Variants in PPARGC1A observed in about 807,000 individuals in gnomAD.
The protein encoded by PPARGC1A is peroxisome proliferator-activated receptor gamma coactivator 1-alpha.
In PPARGC1A, 25 loss-of-function variants were observed where a neutral mutation model predicts 88.7. The observed-to-expected ratio is 0.28, with a 90% CI of 0.21 to 0.39. The LOEUF is 0.39. Among genes scored for constraint, PPARGC1A ranks in the 10% least tolerant of loss-of-function variants. PPARGC1A has a pLI of 1.00. For synonymous variants in PPARGC1A, 363 were observed against 355.6 expected (o/e 1.02, Z -0.24); for missense variants, 880 against 968.7 (o/e 0.91, Z 1.22).
At chr4:24,400,660 T>C in the PPARGC1A span, among the ~76,000 whole-genome samples, 1 of 152,256 alleles carries the variant, frequency 6.6e-6, no homozygotes, top group Non-Finnish European at 1.5e-5. Flanking sequence ...ACACTTGCTT[T>C]AATCTGTAGG....
intron 2 of PPARGC1A, among the ~76,000 whole-genome samples, chr4:23,858,177 C>T (rs1730545572): frequency 6.6e-6 from 1 of 151,970 alleles, no homozygotes; most frequent in Non-Finnish European, 1.5e-5. Flanking sequence ...TTAATTCTGT[C>T]AAAATGCATA....
chr4:24,359,705 A>G, the PPARGC1A span, among the ~76,000 whole-genome samples: 1 of 152,192 alleles, frequency 6.6e-6, no homozygotes, highest in Admixed American at 6.5e-5. Flanking sequence ...ATACAGACAC[A>G]GGGAGAACAC....
the PPARGC1A span, among the ~76,000 whole-genome samples, chr4:24,197,439 C>T: frequency 1.9e-3 from 294 of 152,292 alleles, 3 homozygotes; most frequent in Non-Finnish European, 5.7e-4. Flanking sequence ...GGAAAAGGGC[C>T]TCTCTCTCTT....
chr4:23,889,786 TG>T (rs1717540933), intron 1 of PPARGC1A, 117 bp downstream of exon 1: 1 of 1,223,588 alleles, frequency 8.2e-7, no homozygotes, highest in East Asian at 2.4e-5. Flanking sequence ...TAAAAGCTCC[TG>T]CCTGGACTAC....
the PPARGC1A span, among the ~76,000 whole-genome samples, chr4:24,349,700 C>T: frequency 1.3e-5 from 2 of 152,122 alleles, no homozygotes; most frequent in Non-Finnish European, 2.9e-5. Context: ...GCAAGAGGGG[C>T]GTGAAAACTT....
At chr4:23,873,975 C>T (rs988051063) in intron 2 of PPARGC1A, among the ~76,000 whole-genome samples, 1 of 152,178 alleles carries the variant, frequency 6.6e-6, no homozygotes, top group South Asian at 2.1e-4. Context: ...AGAAAAGGAA[C>T]CCATCAACAG....
At chr4:24,352,620 TG>T in the PPARGC1A span, among the ~76,000 whole-genome samples, 1 of 152,182 alleles carries the variant, frequency 6.6e-6, no homozygotes, top group Non-Finnish European at 1.5e-5. Flanking sequence ...GAAAGGAAGC[TG>T]GGGCTGCTGT....
At chr4:23,820,255 A>G (rs894674660) in intron 7 of PPARGC1A, among the ~76,000 whole-genome samples, 7 of 152,172 alleles carry the variant, frequency 4.6e-5, no homozygotes, top group South Asian at 2.1e-4. Flanking sequence ...ACATATATCA[A>G]TGGAGAAAAA....
chr4:23,889,768 G>T, intron 1 of PPARGC1A, 136 bp downstream of exon 1: 2 of 1,035,870 alleles, frequency 1.9e-6, no homozygotes, highest in South Asian at 1.9e-5. Context: ...ATAAGATTGA[G>T]ATTCTTCTAA....
At chr4:23,808,069 G>A (rs566483298) in intron 10 of PPARGC1A, among the ~76,000 whole-genome samples, 2 of 152,046 alleles carry the variant, frequency 1.3e-5, no homozygotes, top group South Asian at 4.2e-4. Context: ...GGCCAACACG[G>A]TGAAACCCCG....
intron 10 of PPARGC1A, among the ~76,000 whole-genome samples, chr4:23,805,790 A>T (rs1166372570): frequency 6.6e-6 from 1 of 152,132 alleles, no homozygotes; most frequent in Non-Finnish European, 1.5e-5. Flanking sequence ...AGGAGGGGGA[A>T]GTGCAGAAGT....
At chr4:24,399,165 G>A in the PPARGC1A span, among the ~76,000 whole-genome samples, 24 of 151,912 alleles carry the variant, frequency 1.6e-4, no homozygotes, top group Non-Finnish European at 2.9e-4. Context: ...TATGCTTCCC[G>A]CCAAGCTTCC....
At chr4:23,967,158 ATTACCCACATCGATAC>A in the PPARGC1A span, among the ~76,000 whole-genome samples, 1 of 152,094 alleles carries the variant, frequency 6.6e-6, no homozygotes, top group African/African-American at 2.4e-5. Context: ...ATGCAATATC[ATTACCCACATCGATAC>A]TTACAGAACA....
chr4:24,349,435 G>A, the PPARGC1A span, among the ~76,000 whole-genome samples: 2 of 152,176 alleles, frequency 1.3e-5, no homozygotes, highest in African/African-American at 2.4e-5. Context: ...GGCATGACTA[G>A]GCGTGTCTGA....
intron 3 of PPARGC1A, 136 bp downstream of exon 3, chr4:23,831,419 ACT>A: frequency 1.4e-6 from 1 of 694,202 alleles, no homozygotes; most frequent in African/African-American, 1.8e-5. Flanking sequence ...ACAATTTGCA[ACT>A]CTGAGTGTGC....
the PPARGC1A span, among the ~76,000 whole-genome samples, chr4:24,194,355 G>A: frequency 6.6e-6 from 1 of 152,070 alleles, no homozygotes; most frequent in Admixed American, 6.6e-5. Flanking sequence ...TGGGGAAGAA[G>A]GTGTTTACCT....
the PPARGC1A span, among the ~76,000 whole-genome samples, chr4:24,220,207 A>G: frequency 6.6e-6 from 1 of 152,254 alleles, no homozygotes; most frequent in East Asian, 1.9e-4. Flanking sequence ...GGCTATTATC[A>G]AAAAGTCAGA....
At chr4:24,294,210 T>C in the PPARGC1A span, among the ~76,000 whole-genome samples, 2 of 152,140 alleles carry the variant, frequency 1.3e-5, no homozygotes, top group African/African-American at 2.4e-5. Flanking sequence ...TACCTATCCC[T>C]GGGGCTTTTG....
At chr4:24,358,982 A>G in the PPARGC1A span, among the ~76,000 whole-genome samples, 2 of 152,192 alleles carry the variant, frequency 1.3e-5, no homozygotes, top group South Asian at 4.1e-4. Context: ...GGCGATTACA[A>G]ACACTTCAGG....
Sources: allele counts gnomAD v4.1 joint callset (sites outside exome capture counted in the v4.1 genomes callset), GRCh38; gene constraint gnomAD v4.1.1; transcripts MANE v1.5; gene names NCBI Gene and HGNC (gene_info 2026-07-23, HGNC 2026-07-21).